FHAD1: variants seen among roughly 807,000 people sequenced by gnomAD.
FHAD1 encodes forkhead associated phosphopeptide binding domain 1, also known as forkhead-associated domain-containing protein 1.
Under a neutral mutation model 191.3 loss-of-function variants are expected in FHAD1, and 146 were observed. The ratio of observed to expected loss-of-function variants is 0.76; its 90% confidence interval spans 0.67 to 0.88. The LOEUF (loss-of-function observed/expected upper bound fraction) is 0.88. Ranked by LOEUF, FHAD1 falls within the 40% of genes least tolerant of loss-of-function variation. The pLI, the probability that FHAD1 is intolerant of heterozygous loss-of-function variation, is 0.00. For synonymous variants in FHAD1, 616 were observed against 672.3 expected, an observed-to-expected ratio of 0.92 and a Z score of 1.29; for missense variants, 1,635 against 1,785.8, an observed-to-expected ratio of 0.92 and a Z score of 1.52.
upstream of FHAD1, among the ~76,000 whole-genome samples, chr1:15,247,102 TG>T (rs927883892): frequency 2.0e-5 from 3 of 152,214 alleles, no homozygotes; most frequent in African/African-American, 7.2e-5. Flanking sequence ...GGCAGGCTCG[TG>T]GGGCCTGGAG....
At chr1:15,339,921 G>T (rs1362292441) in intron 15 of FHAD1, among the ~76,000 whole-genome samples, 1 of 152,136 alleles carries the variant, frequency 6.6e-6, no homozygotes, top group Non-Finnish European at 1.5e-5. Context: ...TGCCTCCCGG[G>T]TTCAAGTGAT....
In FHAD1 at chr1:15,339,485, C is replaced by A; in HGVS notation, c.1911C>A (p.Phe637Leu). Residue 637 changes from phenylalanine to leucine, a missense_variant, in exon 15 of 34, where the codon TTC becomes TTA. Transcript: ENST00000688493. ...TCCTGCTTCTCTTTTTTTAAGGGTT[C>A]TCTTTGTATCTGATATATCTTCTGG... Reference protein sequence around the residue: ...GILPSSPNKGFSLYLIYLLEH... With the variant: ...GILPSSPNKGLSLYLIYLLEH... The A allele has an allele frequency of 7.9e-7, 1 of 1,261,612 alleles. No homozygotes were observed. Among genetic ancestry groups the A allele is most frequent in the South Asian group, 1.3e-5 (1 of 76,402 alleles). 78.2% of individuals were successfully genotyped at this position (1,261,612 alleles called of 1,614,324 possible).
intron 31 of FHAD1, among the ~76,000 whole-genome samples, chr1:15,382,940 G>C (rs1163612108): frequency 6.6e-6 from 1 of 152,202 alleles, no homozygotes; most frequent in African/African-American, 2.4e-5. Context: ...AATAACACTG[G>C]CTTGAGAAAC....
intron 4 of FHAD1, 167 bp from the exon 5 acceptor site, chr1:15,296,517 T>C (rs1667033000): frequency 9.0e-6 from 6 of 666,302 alleles, no homozygotes; most frequent in African/African-American, 3.6e-5. Flanking sequence ...CCTCCCAAAG[T>C]GCTGGGATTA....
chr1:15,380,896 A>T (rs942997721), intron 29 of FHAD1, 100 bp downstream of exon 29: 1 of 833,270 alleles, frequency 1.2e-6, no homozygotes, highest in African/African-American at 1.7e-5. Flanking sequence ...TCACATGCCT[A>T]TTTAGTTACT....
chr1:15,393,556 C>G (rs1042660568), intron 33 of FHAD1, among the ~76,000 whole-genome samples: 1 of 150,906 alleles, frequency 6.6e-6, no homozygotes, highest in Non-Finnish European at 1.5e-5. Context: ...CAGAGTTAGA[C>G]TAATGAAGAC....
intron 3 of FHAD1, among the ~76,000 whole-genome samples, chr1:15,279,289 G>A (rs1226296641): frequency 1.3e-5 from 2 of 152,118 alleles, no homozygotes; most frequent in Non-Finnish European, 2.9e-5. Flanking sequence ...GTTTGCAAGT[G>A]TCAGAAACCC....
intron 5 of FHAD1, among the ~76,000 whole-genome samples, chr1:15,299,219 G>GA (rs796954256): frequency 1.4e-3 from 170 of 119,440 alleles, no homozygotes; most frequent in East Asian, 3.0e-3. Flanking sequence ...AAAAAAAAAG[G>GA]AAAAAAAAAA....
intron 6 of FHAD1, chr1:15,305,699 C>G: frequency 2.3e-6 from 1 of 429,298 alleles, no homozygotes. Flanking sequence ...CTCATGAGAT[C>G]TGATGGTTTT....
intron 2 of FHAD1, among the ~76,000 whole-genome samples, chr1:15,268,742 G>T (rs1468029731): frequency 1.3e-5 from 2 of 150,852 alleles, no homozygotes; most frequent in East Asian, 3.9e-4. Context: ...TTCTCTGATA[G>T]CCAGTGATGG....
chr1:15,242,729 G>A (rs1645535551), upstream of FHAD1, among the ~76,000 whole-genome samples: 1 of 152,134 alleles, frequency 6.6e-6, no homozygotes, highest in Non-Finnish European at 1.5e-5. Context: ...TCTGGAGTAG[G>A]ACTGAGTCTT....
intron 15 of FHAD1, among the ~76,000 whole-genome samples, chr1:15,340,535 C>G (rs1569716712): frequency 6.6e-6 from 1 of 152,066 alleles, no homozygotes; most frequent in African/African-American, 2.4e-5. Flanking sequence ...AAGAAAGTGG[C>G]CCAATCACAT....
intron 2 of FHAD1, among the ~76,000 whole-genome samples, 156 bp from the exon 3 acceptor site, chr1:15,272,167 C>A (rs1171077779): frequency 6.6e-6 from 1 of 152,160 alleles, no homozygotes; most frequent in African/African-American, 2.4e-5. Flanking sequence ...TTGGGCAAGT[C>A]GCTTAACCTC....
intron 1 of FHAD1, among the ~76,000 whole-genome samples, chr1:15,240,630 CAAAA>C (rs34684294): frequency 2.4e-4 from 26 of 109,868 alleles, no homozygotes; most frequent in Admixed American, 3.1e-4. Context: ...GACCCTGTCT[CAAAA>C]AAAAAAAAAA....
At chr1:15,267,908 T>C (rs1654240795) in intron 2 of FHAD1, among the ~76,000 whole-genome samples, 2 of 146,884 alleles carry the variant, frequency 1.4e-5, no homozygotes, top group African/African-American at 5.0e-5. Context: ...AAATATGGTA[T>C]ATATAAAATA....
chr1:15,359,930 A>C (rs996583849), intron 21 of FHAD1, among the ~76,000 whole-genome samples: 1 of 151,990 alleles, frequency 6.6e-6, no homozygotes, highest in East Asian at 1.9e-4. Context: ...AGCCTGGGTG[A>C]CAGAGAGAGA....
At chr1:15,324,620 GC>G in intron 11 of FHAD1, 61 bp downstream of exon 11, 3 of 1,218,746 alleles carry the variant, frequency 2.5e-6, no homozygotes, top group Non-Finnish European at 3.6e-6. Flanking sequence ...CACCCAAGCA[GC>G]CAGTGGGGGT....
intron 3 of FHAD1, among the ~76,000 whole-genome samples, chr1:15,283,229 T>A (rs898985164): frequency 4.6e-5 from 7 of 152,356 alleles, no homozygotes; most frequent in Non-Finnish European, 7.3e-5. Flanking sequence ...CATGGCACAC[T>A]GGTGGGCGTG....
intron 8 of FHAD1, 48 bp downstream of exon 8, chr1:15,313,235 G>T: frequency 2.0e-6 from 3 of 1,510,814 alleles, no homozygotes; most frequent in Non-Finnish European, 2.7e-6. Context: ...GTGAAAAGCA[G>T]CTAAAGTGAA....
Sources: gnomAD v4.1 joint callset for allele counts (sites outside exome capture counted in the v4.1 genomes callset) on GRCh38, gnomAD v4.1.1 for gene constraint, MANE v1.5 for transcripts, NCBI Gene and HGNC (gene_info 2026-07-23, HGNC 2026-07-21) for gene names.